The following AGTPBP1 variants were observed in gnomAD, a reference collection of about 807,000 sequenced individuals.
AGTPBP1 encodes cytosolic carboxypeptidase 1.
Under a neutral mutation model 143.9 loss-of-function variants are expected in AGTPBP1, and 70 were observed. That is an observed-to-expected ratio of 0.49 (90% CI 0.40 to 0.59). AGTPBP1 has a LOEUF of 0.59. Ranked by LOEUF, AGTPBP1 falls within the 20% of genes least tolerant of loss-of-function variation. The pLI is 0.00. For synonymous variants in AGTPBP1, 463 were observed against 500.2 expected (o/e 0.93, Z 0.99); for missense variants, 1,229 against 1,464.5 (o/e 0.84, Z 2.62).
intron 21 of AGTPBP1, among the ~76,000 whole-genome samples, chr9:85,587,503 T>C (rs920031039): frequency 3.9e-5 from 6 of 152,200 alleles, no homozygotes; most frequent in African/African-American, 1.4e-4. Flanking sequence ...AAAGTGATGA[T>C]AAATATAAAT....
chr9:85,572,004 G>GTTTTTTTTT lies in AGTPBP1; in HGVS notation c.3503+3302_3503+3310dup, dbSNP rs55882437. Among the ~76,000 whole-genome samples the GTTTTTTTTT allele has an allele frequency of 1.5e-3, 64 of 43,450 alleles. 8 individuals carry two copies. Among genetic ancestry groups the GTTTTTTTTT allele is most frequent in the East Asian group, 4.5e-3 (4 of 892 alleles). 28.5% of individuals were successfully genotyped at this position (43,450 alleles called of 152,430 possible). Reference sequence around the variant, plus strand: ...TGGCCATTATTAGTTGTTTGTGTGTGTTTTTTTTTTTTTTTTTTTTTTTTT... The same window carrying GTTTTTTTTT: ...TGGCCATTATTAGTTGTTTGTGTGTGTTTTTTTTTTTTTTTTTTTTTTTTTTTTTTTTTT... On this transcript the variant is annotated intron_variant, in intron 25 of 25. Coordinates refer to ENST00000357081, the MANE Select transcript of AGTPBP1 (RefSeq NM_001330701.2).
chr9:85,588,268 A>C (rs753728057), intron 21 of AGTPBP1, 30 bp downstream of exon 21: 1 of 1,548,008 alleles, frequency 6.5e-7, no homozygotes, highest in Non-Finnish European at 8.8e-7. Flanking sequence ...AATGGTCTTG[A>C]ATATATTCTA....
chr9:85,567,606 A>G (rs1344643903), intron 25 of AGTPBP1, among the ~76,000 whole-genome samples: 1 of 152,222 alleles, frequency 6.6e-6, no homozygotes, highest in Non-Finnish European at 1.5e-5. Context: ...AAAAGAAGAA[A>G]GAAAATGTGA....
chr9:85,614,883 A>C (rs1304775192), intron 17 of AGTPBP1, among the ~76,000 whole-genome samples: 1 of 152,124 alleles, frequency 6.6e-6, no homozygotes, highest in Admixed American at 6.5e-5. Flanking sequence ...TTATGGTGGC[A>C]TTTTATCAAT....
chr9:85,795,528 C>T, the AGTPBP1 span, among the ~76,000 whole-genome samples: 2 of 152,118 alleles, frequency 1.3e-5, no homozygotes, highest in Admixed American at 6.6e-5. Context: ...CATTTGAATG[C>T]GAACAATGAG....
intron 6 of AGTPBP1, among the ~76,000 whole-genome samples, chr9:85,673,419 C>A (rs1251698208): frequency 1.3e-5 from 2 of 152,076 alleles, no homozygotes; most frequent in South Asian, 2.1e-4. Flanking sequence ...GAACCATATT[C>A]TTTTCTGACT....
chr9:85,645,332 A>C (rs1387762694), intron 12 of AGTPBP1, among the ~76,000 whole-genome samples: 1 of 152,186 alleles, frequency 6.6e-6, no homozygotes. Context: ...ACATTTTCCA[A>C]AGATGTCAAT....
rs966959862 is a variant in AGTPBP1, at chr9:85,668,676, C to T, written c.662+809G>A. 6.0e-5 allele frequency among the ~76,000 whole-genome samples: 9 copies of T among 150,926 alleles called. No individual in the cohort carries two copies. The East Asian group carries it at 1.6e-3, about 26-fold the overall frequency. ...AAATACCTGAGATTTCTTAAAAGTA[C>T]CCCAGGAAAAACAAACAAACAAAAG... is the stretch of plus-strand genomic sequence containing the variant. On this transcript the variant is annotated intron_variant, in intron 8 of 25. Coordinates refer to ENST00000357081, the MANE Select transcript of AGTPBP1 (RefSeq NM_001330701.2).
rs753171643 is a variant in AGTPBP1, at chr9:85,657,469, G to T, written c.875C>A (p.Ala292Asp). ...IKLGRKAFIDANGMKILYNTS... is the reference protein window; with the variant it reads ...IKLGRKAFIDDNGMKILYNTS... ...ATTATACAGAATTTTCATCCCATTG[G>T]CATCAATAAATGCTTTTCTTCCCAA... Residue 292 changes from alanine (A) to aspartate (D), a missense_variant, in exon 10 of 26, where the codon GCC becomes GAC. This residue lies in a region of AGTPBP1 where 743 missense variants were observed against 812.2 expected (regional missense o/e 0.91). Coordinates refer to ENST00000357081, the MANE Select transcript of AGTPBP1 (RefSeq NM_001330701.2). 5 of 1,613,398 alleles carry T rather than the reference G, an allele frequency of 3.1e-6. No homozygotes were observed. Among genetic ancestry groups the T allele is most frequent in the Non-Finnish European group, 4.2e-6 (5 of 1,179,710 alleles).
chr9:85,759,083 T>C, the AGTPBP1 span, among the ~76,000 whole-genome samples: 2 of 152,294 alleles, frequency 1.3e-5, no homozygotes, highest in Non-Finnish European at 1.5e-5. Flanking sequence ...ATCCTAAATG[T>C]ATATGCACCC....
chr9:85,761,270 C>A, the AGTPBP1 span, among the ~76,000 whole-genome samples: 1 of 152,200 alleles, frequency 6.6e-6, no homozygotes, highest in African/African-American at 2.4e-5. Flanking sequence ...TTGGAAAAAA[C>A]TACTTTAAAG....
intron 3 of AGTPBP1, among the ~76,000 whole-genome samples, chr9:85,687,843 A>T (rs941748086): frequency 6.6e-6 from 1 of 152,046 alleles, no homozygotes; most frequent in Non-Finnish European, 1.5e-5. Context: ...TAATCCCAGG[A>T]CTTTGGGAGG....
At chr9:85,633,408 TG>T (rs750418925) in intron 13 of AGTPBP1, 34 bp from the exon 14 acceptor site, 1 of 1,433,686 alleles carries the variant, frequency 7.0e-7, no homozygotes, top group South Asian at 1.4e-5. Context: ...ATCTTTTAAC[TG>T]TAAATATTAA....
At position 85,578,986 on chromosome 9, in the gene AGTPBP1, T is replaced by C. The variant is rs758062852; in HGVS notation, c.3276A>G (p.Glu1092=). 6.2e-7 allele frequency: 1 copy of C among 1,613,400 alleles called. No individual in the cohort carries two copies. The highest frequency in any genetic ancestry group is 8.5e-7 in the Non-Finnish European group (1 of 1,179,750). The change falls in exon 24 of 26, where the codon GAA becomes GAG. Residue 1092 remains glutamate (E), a synonymous_variant. Transcript: ENST00000357081. ...ESTARVVVWR[E]IGVQRSYTME... ...TGGTATAACTTCTTTGTACTCCTAT[T>C]TCCCTCCAAACTACAACACGTGCTG...
intron 18 of AGTPBP1, among the ~76,000 whole-genome samples, chr9:85,595,340 A>G (rs1434696938): frequency 6.6e-6 from 1 of 152,236 alleles, no homozygotes; most frequent in Non-Finnish European, 1.5e-5. Flanking sequence ...TCAGGATTGA[A>G]CTTAGTAACA....
intron 1 of AGTPBP1, among the ~76,000 whole-genome samples, chr9:85,730,751 G>T (rs1383084809): frequency 6.6e-6 from 1 of 152,034 alleles, no homozygotes; most frequent in African/African-American, 2.4e-5. Context: ...CTTAGTCCTG[G>T]GATAGTCACT....
At chr9:85,758,705 G>A in the AGTPBP1 span, among the ~76,000 whole-genome samples, 1 of 152,250 alleles carries the variant, frequency 6.6e-6, no homozygotes, top group East Asian at 1.9e-4. Context: ...AAAAATACAA[G>A]TTAATAGAAA....
chr9:85,548,943 G>C (rs1825886337), intron 25 of AGTPBP1, among the ~76,000 whole-genome samples: 1 of 152,156 alleles, frequency 6.6e-6, no homozygotes, highest in Non-Finnish European at 1.5e-5. Flanking sequence ...CCAAAGTGCT[G>C]GGATTACAGG....
At chr9:85,684,036 A>C (rs569049849) in intron 3 of AGTPBP1, among the ~76,000 whole-genome samples, 1 of 152,174 alleles carries the variant, frequency 6.6e-6, no homozygotes, top group South Asian at 2.1e-4. Context: ...CCACAATTTA[A>C]GACTGTTAAT....
Sources: allele counts gnomAD v4.1 joint callset (sites outside exome capture counted in the v4.1 genomes callset), GRCh38; gene constraint gnomAD v4.1.1; regional missense constraint gnomAD v4.1.1; transcripts MANE v1.5; gene names NCBI Gene and HGNC (gene_info 2026-07-23, HGNC 2026-07-21).